Variants in SYT16 observed in about 807,000 individuals in gnomAD.
SYT16 encodes the protein synaptotagmin-16.
A neutral mutation model predicts 61.4 loss-of-function variants in SYT16; 42 were observed. The ratio of observed to expected loss-of-function variants is 0.68; its 90% CI spans 0.53 to 0.89. The LOEUF (loss-of-function observed/expected upper bound fraction) is 0.89. Among genes scored for constraint, SYT16 ranks in the 40% least tolerant of loss-of-function variants. The pLI, the probability that SYT16 is intolerant of heterozygous loss-of-function variation, is 0.00. For missense variants in SYT16, 804 were observed against 807.3 expected, an observed-to-expected ratio of 1.00 and a Z score of 0.05; for synonymous variants, 314 against 302.3, an observed-to-expected ratio of 1.04 and a Z score of -0.40.
intron 1 of SYT16, among the ~76,000 whole-genome samples, chr14:61,827,205 C>G (rs1352306772): frequency 6.6e-6 from 1 of 152,180 alleles, no homozygotes; most frequent in Non-Finnish European, 1.5e-5. Context: ...TCTGTACATC[C>G]TTTCTGCCAG....
At chr14:61,954,456 G>T (rs902798778) in intron 1 of SYT16, among the ~76,000 whole-genome samples, 2 of 151,932 alleles carry the variant, frequency 1.3e-5, no homozygotes, top group Non-Finnish European at 2.9e-5. Flanking sequence ...AACAGATGGG[G>T]CTATCCAGTG....
At chr14:62,027,477 G>A (rs566863885) in intron 3 of SYT16, among the ~76,000 whole-genome samples, 2 of 152,320 alleles carry the variant, frequency 1.3e-5, no homozygotes, top group African/African-American at 4.8e-5. Flanking sequence ...CATCCAGACA[G>A]TATTCTGACA....
intron 1 of SYT16, among the ~76,000 whole-genome samples, chr14:61,958,198 A>G (rs1359627627): frequency 6.7e-6 from 1 of 150,004 alleles, no homozygotes; most frequent in African/African-American, 2.5e-5. Flanking sequence ...GGGTTTGTTG[A>G]TTTTGTTTAT....
intron 1 of SYT16, among the ~76,000 whole-genome samples, chr14:61,837,233 A>ATTTTTTTTTTTTTTTTTTTTTTTTTTTT (rs1237212390): frequency 8.1e-6 from 1 of 122,826 alleles, no homozygotes. Context: ...GCAGAGGCTG[A>ATTTTTTTTTTTTTTTTTTTTTTTTTTTT]TTTTTTTTTT....
intron 3 of SYT16, among the ~76,000 whole-genome samples, chr14:62,027,733 T>C (rs1247252830): frequency 6.6e-6 from 1 of 152,186 alleles, no homozygotes; most frequent in Non-Finnish European, 1.5e-5. Flanking sequence ...GACCTGCCCA[T>C]TGAATCAGAC....
intron 3 of SYT16, among the ~76,000 whole-genome samples, chr14:62,046,963 T>C (rs1218130570): frequency 2.0e-5 from 3 of 152,222 alleles, no homozygotes; most frequent in Non-Finnish European, 2.9e-5. Context: ...ATATGAACTT[T>C]CAAATAGTTT....
chr14:61,979,650 G>A (rs963468681), intron 2 of SYT16, among the ~76,000 whole-genome samples: 1 of 152,214 alleles, frequency 6.6e-6, no homozygotes, highest in Non-Finnish European at 1.5e-5. Context: ...TTGGGAGGCT[G>A]AGGCGGGTGG....
At chr14:62,066,034 G>A (rs1273628875) in intron 3 of SYT16, among the ~76,000 whole-genome samples, 1 of 152,236 alleles carries the variant, frequency 6.6e-6, no homozygotes, top group African/African-American at 2.4e-5. Context: ...TGGAGAAGCT[G>A]CTCCATAAAA....
At chr14:62,016,539 CAAAAAAAAAAAAAA>C (rs10610233) in intron 3 of SYT16, among the ~76,000 whole-genome samples, 1 of 97,298 alleles carries the variant, frequency 1.0e-5, no homozygotes, top group Non-Finnish European at 2.1e-5. Flanking sequence ...TCTAAAAATA[CAAAAAAAAAAAAAA>C]AAAAAAAAAA....
intron 2 of SYT16, among the ~76,000 whole-genome samples, chr14:61,993,152 A>G (rs1464063349): frequency 6.6e-6 from 1 of 152,092 alleles, no homozygotes; most frequent in East Asian, 1.9e-4. Context: ...TGGGTTGCAT[A>G]TGAAAACAAA....
intron 7 of SYT16, among the ~76,000 whole-genome samples, chr14:62,087,937 A>C (rs547528655): frequency 9.9e-5 from 15 of 152,196 alleles, no homozygotes; most frequent in African/African-American, 3.6e-4. Flanking sequence ...CAGAGCCTCC[A>C]CTGCACAGCC....
intron 2 of SYT16, among the ~76,000 whole-genome samples, chr14:61,991,698 A>G (rs1355044707): frequency 1.3e-5 from 2 of 152,140 alleles, no homozygotes; most frequent in South Asian, 2.1e-4. Context: ...CTTCTTTCCA[A>G]TTATTCTGGG....
intron 1 of SYT16, among the ~76,000 whole-genome samples, chr14:61,838,427 G>A (rs2140247888): frequency 6.6e-6 from 1 of 152,178 alleles, no homozygotes; most frequent in Middle Eastern, 3.4e-3. Flanking sequence ...CCTCCCAGCT[G>A]TTCACCCACT....
chr14:61,814,665 G>GT (rs149136622), intron 1 of SYT16, among the ~76,000 whole-genome samples: 1 of 152,178 alleles, frequency 6.6e-6, no homozygotes, highest in African/African-American at 2.4e-5. Context: ...CTCTTGACCA[G>GT]TTTTTTAGGC....
intron 2 of SYT16, among the ~76,000 whole-genome samples, chr14:61,975,602 C>T (rs2051756266): frequency 6.6e-6 from 1 of 152,144 alleles, no homozygotes; most frequent in Non-Finnish European, 1.5e-5. Flanking sequence ...CTTGTGAGAA[C>T]TCACTCACTA....
At chr14:61,938,343 A>G (rs1042900087) in intron 1 of SYT16, among the ~76,000 whole-genome samples, 26 of 152,062 alleles carry the variant, frequency 1.7e-4, no homozygotes, top group Non-Finnish European at 5.9e-5. Flanking sequence ...TTCACAAAGT[A>G]GAAAACAGCT....
At chr14:61,860,875 T>C (rs1383046578) in intron 1 of SYT16, among the ~76,000 whole-genome samples, 1 of 152,206 alleles carries the variant, frequency 6.6e-6, no homozygotes, top group Non-Finnish European at 1.5e-5. Context: ...GTGGGCCTAA[T>C]GCAGTGGGAA....
At chr14:61,860,497 G>T (rs550697131) in intron 1 of SYT16, among the ~76,000 whole-genome samples, 1 of 152,292 alleles carries the variant, frequency 6.6e-6, no homozygotes, top group African/African-American at 2.4e-5. Context: ...CAGTTGGGGA[G>T]CCCTTGGTTA....
At chr14:61,922,562 A>G (rs1250884471) in intron 1 of SYT16, among the ~76,000 whole-genome samples, 1 of 152,214 alleles carries the variant, frequency 6.6e-6, no homozygotes, top group African/African-American at 2.4e-5. Context: ...GGAAAAGATC[A>G]GGAAAAATAA....
Sources: gnomAD v4.1 joint callset for allele counts (sites outside exome capture counted in the v4.1 genomes callset) on GRCh38, gnomAD v4.1.1 for gene constraint, MANE v1.5 for transcripts, NCBI Gene and HGNC (gene_info 2026-07-23, HGNC 2026-07-21) for gene names.